The following ELAVL4 variants were observed in gnomAD, a reference collection of about 807,000 sequenced individuals.
ELAVL4 encodes the protein ELAV-like protein 4.
ELAVL4 carries 1 observed loss-of-function variant against 35.6 expected under a neutral mutation model. The observed-to-expected ratio is 0.03, with a 90% CI of 0.01 to 0.13. ELAVL4 has a LOEUF of 0.13. Ranked by LOEUF, ELAVL4 falls within the 10% of genes least tolerant of loss-of-function variation. The pLI is 1.00. For synonymous variants in ELAVL4, 156 were observed against 171.0 expected (o/e 0.91, Z 0.69); for missense variants, 267 against 464.9 (o/e 0.57, Z 3.91).
intron 2 of ELAVL4, among the ~76,000 whole-genome samples, chr1:50,157,193 C>A (rs1301235752): frequency 6.6e-6 from 1 of 152,042 alleles, no homozygotes; most frequent in Non-Finnish European, 1.5e-5. Context: ...GTGGAAGGAT[C>A]CACTAAGTTC....
At chr1:50,105,152 A>G (rs1666203475), upstream of ELAVL4, among the ~76,000 whole-genome samples, 2 of 152,148 alleles carry the variant, frequency 1.3e-5, no homozygotes. Context: ...AAATAAACCT[A>G]ATTTCTACCC....
intron 1 of ELAVL4, among the ~76,000 whole-genome samples, chr1:50,056,736 A>G (rs1663693989): frequency 6.6e-6 from 1 of 152,210 alleles, no homozygotes; most frequent in South Asian, 2.1e-4. Flanking sequence ...GATCGAGACC[A>G]TCCTGGCTAA....
chr1:50,079,573 T>C (rs980951139), intron 1 of ELAVL4, among the ~76,000 whole-genome samples: 1 of 152,126 alleles, frequency 6.6e-6, no homozygotes, highest in African/African-American at 2.4e-5. Flanking sequence ...ATTCTCTCAG[T>C]CAAGGCAGTT....
In ELAVL4 at chr1:50,198,489, G is replaced by A. The variant is rs531693667; in HGVS notation, c.773+1022G>A. Reference sequence around the variant, plus strand: ...AAGTACCCTGACTCTGGGAACTGGTGCATGGTAGAGGAAGTAACCTGACTG... The same window carrying A: ...AAGTACCCTGACTCTGGGAACTGGTACATGGTAGAGGAAGTAACCTGACTG... On this transcript the variant is annotated intron_variant, in intron 6 of 6. Coordinates refer to ENST00000371824, the MANE Select transcript of ELAVL4 (RefSeq NM_001144774.3). Among the ~76,000 whole-genome samples the A allele has an allele frequency of 1.4e-3, 218 of 152,278 alleles. 1 individual carries two copies. The highest frequency in any genetic ancestry group is 5.1e-3 in the African/African-American group (211 of 41,560).
chr1:50,103,077 A>G (rs1407632553), upstream of ELAVL4, among the ~76,000 whole-genome samples: 1 of 152,224 alleles, frequency 6.6e-6, no homozygotes, highest in Non-Finnish European at 1.5e-5. Context: ...ACTTTCAGCT[A>G]CTGTTCTTGC....
chr1:50,191,235 C>G (rs184208797), intron 3 of ELAVL4, among the ~76,000 whole-genome samples: 1 of 152,148 alleles, frequency 6.6e-6, no homozygotes, highest in Non-Finnish European at 1.5e-5. Flanking sequence ...GTACCTGGCT[C>G]ATAGTAGATC....
chr1:50,100,254 T>C (rs1665910719), upstream of ELAVL4, among the ~76,000 whole-genome samples: 1 of 152,222 alleles, frequency 6.6e-6, no homozygotes, highest in Non-Finnish European at 1.5e-5. Flanking sequence ...GTTCCGTCAA[T>C]ATTAATTCTG....
intron 2 of ELAVL4, among the ~76,000 whole-genome samples, chr1:50,156,614 G>A (rs138044484): frequency 1.2e-4 from 19 of 152,220 alleles, no homozygotes; most frequent in African/African-American, 3.6e-4. Flanking sequence ...GTTAGATGCC[G>A]CCTTATATTT....
chr1:50,093,638 CA>C (rs1358798058), intron 1 of ELAVL4, among the ~76,000 whole-genome samples: 1 of 152,186 alleles, frequency 6.6e-6, no homozygotes, highest in Non-Finnish European at 1.5e-5. Context: ...AGAGAAGCAT[CA>C]GTCAAGAAAA....
At chr1:50,115,535 T>C (rs1667796840) in intron 1 of ELAVL4, among the ~76,000 whole-genome samples, 1 of 152,158 alleles carries the variant, frequency 6.6e-6, no homozygotes, top group Admixed American at 6.5e-5. Context: ...TTTGAATTAC[T>C]CATTTTAAAC....
chr1:50,103,902 G>C (rs1017630121), upstream of ELAVL4: 17 of 1,611,464 alleles, frequency 1.1e-5, no homozygotes, highest in Non-Finnish European at 1.4e-5. Flanking sequence ...TGTGAAGAGA[G>C]AGGCTCAGTC....
intron 2 of ELAVL4, among the ~76,000 whole-genome samples, chr1:50,149,270 C>T (rs1216297300): frequency 4.0e-5 from 6 of 151,348 alleles, no homozygotes; most frequent in Admixed American, 6.6e-5. Context: ...TGGTGGTGGG[C>T]GCCTGTAATC....
intron 2 of ELAVL4, among the ~76,000 whole-genome samples, chr1:50,158,347 T>C (rs1360505157): frequency 6.6e-6 from 1 of 152,182 alleles, no homozygotes; most frequent in Non-Finnish European, 1.5e-5. Flanking sequence ...TCTGTTTGTA[T>C]TTACTATACT....
At chr1:50,159,039 CAAAAAAAA>C in intron 2 of ELAVL4, among the ~76,000 whole-genome samples, 1 of 74,914 alleles carries the variant, frequency 1.3e-5, no homozygotes, top group African/African-American at 4.6e-5. Flanking sequence ...GACTCCTTCT[CAAAAAAAA>C]AAAAAAAAAA....
intron 2 of ELAVL4, among the ~76,000 whole-genome samples, chr1:50,171,564 A>C (rs1170268452): frequency 6.6e-6 from 1 of 152,224 alleles, no homozygotes; most frequent in Non-Finnish European, 1.5e-5. Flanking sequence ...CACTGAATAA[A>C]TTGTAGCTGC....
At chr1:50,146,092 T>A (rs1673663145) in intron 2 of ELAVL4, among the ~76,000 whole-genome samples, 1 of 152,204 alleles carries the variant, frequency 6.6e-6, no homozygotes, top group African/African-American at 2.4e-5. Flanking sequence ...CTTGTCAGTT[T>A]TGAGTATTGA....
chr1:50,064,021 G>A (rs976468185), intron 1 of ELAVL4, among the ~76,000 whole-genome samples: 17 of 152,126 alleles, frequency 1.1e-4, no homozygotes, highest in Admixed American at 6.5e-4. Context: ...ATGGTACATA[G>A]AACAAATGAG....
Position 50,191,382 on chromosome 1 carries a change from C to G in ELAVL4, c.355-2383C>G, listed in dbSNP as rs766751276. 9.9e-5 allele frequency among the ~76,000 whole-genome samples: 15 copies of G among 152,096 alleles called. 1 individual carries two copies. The highest frequency in any genetic ancestry group is 1.8e-4 in the Non-Finnish European group (12 of 68,034). ...CTCTTAGCTTGGTGGAGAAACACAG[C>G]TGGGATTCTGGGTGCCTGACTCTCA... On this transcript the variant is annotated intron_variant, in intron 3 of 6. Transcript: ENST00000371824.
chr1:50,195,520 G>A, intron 4 of ELAVL4, 41 bp from the exon 5 acceptor site: 1 of 1,600,934 alleles, frequency 6.2e-7, no homozygotes, highest in East Asian at 2.2e-5. Context: ...TTACCAGTTT[G>A]GTGTGTTCAC....
Sources: gnomAD v4.1 joint callset for allele counts (sites outside exome capture counted in the v4.1 genomes callset) on GRCh38, gnomAD v4.1.1 for gene constraint, MANE v1.5 for transcripts, NCBI Gene and HGNC (gene_info 2026-07-23, HGNC 2026-07-21) for gene names.